PIK3C2G: variants seen among roughly 807,000 people sequenced by gnomAD.
PIK3C2G encodes phosphatidylinositol-4-phosphate 3-kinase catalytic subunit type 2 gamma.
A neutral mutation model predicts 181.1 loss-of-function variants in PIK3C2G; 168 were observed. That is an observed-to-expected ratio of 0.93 (90% CI 0.82 to 1.05). PIK3C2G has a LOEUF of 1.05. PIK3C2G is among the 50% of genes least tolerant of loss of function. The pLI is 0.00. For missense variants in PIK3C2G, 1,869 were observed against 1,732.8 expected (o/e 1.08, Z -1.40); for synonymous variants, 573 against 592.2 (o/e 0.97, Z 0.47).
chr12:18,298,805 T>A (rs1036637978), intron 5 of PIK3C2G, among the ~76,000 whole-genome samples: 1 of 151,936 alleles, frequency 6.6e-6, no homozygotes, highest in Non-Finnish European at 1.5e-5. Flanking sequence ...GGAGAGGGTG[T>A]CTTTCCCCTA....
intron 18 of PIK3C2G, among the ~76,000 whole-genome samples, chr12:18,462,330 C>T (rs561110328): frequency 4.6e-5 from 7 of 152,098 alleles, no homozygotes; most frequent in African/African-American, 4.8e-5. Context: ...ACAGATACTA[C>T]GCAGAATAAA....
At chr12:18,350,588 G>A (rs1940130541) in intron 11 of PIK3C2G, among the ~76,000 whole-genome samples, 1 of 152,072 alleles carries the variant, frequency 6.6e-6, no homozygotes, top group East Asian at 1.9e-4. Context: ...AGGTACATGT[G>A]TGCAGTTTAT....
At chr12:18,271,683 T>A (rs890678022) in intron 1 of PIK3C2G, among the ~76,000 whole-genome samples, 23 of 152,194 alleles carry the variant, frequency 1.5e-4, no homozygotes, top group Admixed American at 1.4e-3. Context: ...TGATTGTCTC[T>A]TATACTGAGA....
At chr12:18,282,845 C>T in intron 2 of PIK3C2G, 86 bp downstream of exon 2, 1 of 938,696 alleles carries the variant, frequency 1.1e-6, no homozygotes, top group Non-Finnish European at 1.5e-6. Flanking sequence ...ATGAAGATAA[C>T]TAAACTTAAA....
At chr12:18,692,743 C>T in the PIK3C2G span, 1 of 1,017,744 alleles carries the variant, frequency 9.8e-7, no homozygotes, top group Non-Finnish European at 1.5e-6. Flanking sequence ...ATGTTAAAAG[C>T]TCTCCCAGGC....
At chr12:18,480,665 G>T (rs747040045) in intron 18 of PIK3C2G, among the ~76,000 whole-genome samples, 1 of 152,138 alleles carries the variant, frequency 6.6e-6, no homozygotes, top group Non-Finnish European at 1.5e-5. Flanking sequence ...AAATGCTACT[G>T]CTCCTTTCCA....
At chr12:18,643,413 T>C (rs530187401) in intron 32 of PIK3C2G, among the ~76,000 whole-genome samples, 3 of 152,130 alleles carry the variant, frequency 2.0e-5, no homozygotes, top group Admixed American at 6.5e-5. Context: ...TTTGAAGTAG[T>C]GTGTGTATAA....
chr12:18,483,833 C>T (rs774550411), intron 18 of PIK3C2G, among the ~76,000 whole-genome samples: 2 of 152,162 alleles, frequency 1.3e-5, no homozygotes, highest in African/African-American at 4.8e-5. Flanking sequence ...CTTATGGCAA[C>T]AAAGATTTAT....
chr12:18,499,618 TAGG>T (rs1335398588), intron 22 of PIK3C2G, among the ~76,000 whole-genome samples: 2 of 152,206 alleles, frequency 1.3e-5, no homozygotes, highest in African/African-American at 4.8e-5. Flanking sequence ...AAAAATTACA[TAGG>T]GGGATGGAAA....
At position 18,295,683 on chromosome 12, in the gene PIK3C2G, C is replaced by T. The variant is rs564469370; in HGVS notation, c.1034+1668C>T. Among the ~76,000 whole-genome samples the T allele has an allele frequency of 4.7e-5, 7 of 148,916 alleles. No individual in the cohort carries two copies. The East Asian group carries it at 1.2e-3, about 25-fold the overall frequency. ...GGTTTTATTAAGATAGGAAAGTTGC[C>T]AAATATTAATATATGTAAAATATAG... On this transcript the variant is annotated intron_variant, in intron 5 of 32. Coordinates refer to ENST00000538779, the MANE Select transcript of PIK3C2G (RefSeq NM_001288772.2).
At chr12:18,721,715 TAA>T in the PIK3C2G span, among the ~76,000 whole-genome samples, 111 of 139,798 alleles carry the variant, frequency 7.9e-4, no homozygotes, top group African/African-American at 1.3e-3. Flanking sequence ...GTCTTGCTAT[TAA>T]AAAAAAAAAA....
intron 31 of PIK3C2G, among the ~76,000 whole-genome samples, chr12:18,632,469 G>T (rs1949390476): frequency 6.6e-6 from 1 of 152,078 alleles, no homozygotes; most frequent in Non-Finnish European, 1.5e-5. Flanking sequence ...GTATAGATAT[G>T]GACACAGATA....
chr12:18,563,596 A>C, intron 28 of PIK3C2G, 98 bp downstream of exon 28: 1 of 1,157,124 alleles, frequency 8.6e-7, no homozygotes, highest in South Asian at 1.4e-5. Flanking sequence ...TGAGAAACAC[A>C]GTATTCTGAC....
intron 16 of PIK3C2G, among the ~76,000 whole-genome samples, chr12:18,400,598 G>A (rs1255622216): frequency 2.0e-5 from 3 of 152,152 alleles, no homozygotes; most frequent in African/African-American, 7.2e-5. Context: ...GAGAAGAAAG[G>A]TGGGAAAGGG....
At chr12:18,618,520 C>T (rs938044582) in intron 31 of PIK3C2G, among the ~76,000 whole-genome samples, 1 of 152,126 alleles carries the variant, frequency 6.6e-6, no homozygotes, top group Non-Finnish European at 1.5e-5. Context: ...GAAGATTAAA[C>T]AGCACAGAGT....
intron 18 of PIK3C2G, among the ~76,000 whole-genome samples, chr12:18,439,900 A>G (rs1417476957): frequency 6.6e-6 from 1 of 152,076 alleles, no homozygotes; most frequent in East Asian, 1.9e-4. Context: ...TTATTTTATT[A>G]TCAACTGGTT....
chr12:18,469,659 C>T (rs1938259654), intron 18 of PIK3C2G, among the ~76,000 whole-genome samples: 1 of 151,650 alleles, frequency 6.6e-6, no homozygotes, highest in Non-Finnish European at 1.5e-5. Flanking sequence ...TATTCTTTCT[C>T]TCTCCCCTCC....
chr12:18,592,735 T>A (rs113071329), intron 29 of PIK3C2G, among the ~76,000 whole-genome samples: 1 of 151,946 alleles, frequency 6.6e-6, no homozygotes, highest in African/African-American at 2.4e-5. Flanking sequence ...TGTTAGTTTT[T>A]AAAATTGACA....
chr12:18,259,673 C>A (rs3813897), upstream of PIK3C2G, among the ~76,000 whole-genome samples: 67,900 of 151,886 alleles, frequency 0.45, 15,561 homozygotes, highest in East Asian at 0.74. Flanking sequence ...AAAATTTTGA[C>A]TCTTACAATA....
Sources: allele counts gnomAD v4.1 joint callset (sites outside exome capture counted in the v4.1 genomes callset), GRCh38; gene constraint gnomAD v4.1.1; transcripts MANE v1.5; gene names NCBI Gene and HGNC (gene_info 2026-07-23, HGNC 2026-07-21).